Variants in BAZ2B observed in about 807,000 individuals in gnomAD.
BAZ2B encodes bromodomain adjacent to zinc finger domain protein 2B.
A neutral mutation model predicts 246.0 loss-of-function variants in BAZ2B; 91 were observed. The observed-to-expected ratio is 0.37, with a 90% CI of 0.31 to 0.44. BAZ2B has a LOEUF of 0.44. Ranked by LOEUF, BAZ2B falls within the 20% of genes least tolerant of loss-of-function variation. The pLI is 1.00. For missense variants in BAZ2B, 2,332 were observed against 2,533.7 expected (o/e 0.92, Z 1.71); for synonymous variants, 855 against 860.0 (o/e 0.99, Z 0.10).
intron 1 of BAZ2B, among the ~76,000 whole-genome samples, chr2:159,563,257 A>G (rs1466592001): frequency 6.6e-6 from 1 of 152,180 alleles, no homozygotes; most frequent in Non-Finnish European, 1.5e-5. Flanking sequence ...ATTTGGTCTA[A>G]TGTTTTCAAC....
At chr2:159,708,929 C>A in the BAZ2B span, among the ~76,000 whole-genome samples, 1 of 151,938 alleles carries the variant, frequency 6.6e-6, no homozygotes, top group African/African-American at 2.4e-5. Flanking sequence ...AGAAGTCAAC[C>A]AACAGAATTT....
intron 3 of BAZ2B, among the ~76,000 whole-genome samples, chr2:159,475,239 G>A (rs1577501524): frequency 6.6e-6 from 1 of 152,184 alleles, no homozygotes; most frequent in East Asian, 1.9e-4. Context: ...TTTCTTGGAG[G>A]CTTTGTTCTG....
intron 8 of BAZ2B, chr2:159,434,317 T>C (rs532330007): frequency 7.9e-5 from 12 of 151,966 alleles, no homozygotes; most frequent in African/African-American, 1.5e-4. Context: ...TGCACCACCA[T>C]GCCTAGGTAA....
chr2:159,328,560 C>T (rs1271539264), intron 34 of BAZ2B, among the ~76,000 whole-genome samples: 4 of 152,116 alleles, frequency 2.6e-5, no homozygotes, highest in African/African-American at 9.7e-5. Flanking sequence ...ACATGGGGCC[C>T]ACATTCCTAC....
chr2:159,618,303 C>T (rs1478711152), upstream of BAZ2B, among the ~76,000 whole-genome samples: 1 of 152,114 alleles, frequency 6.6e-6, no homozygotes. Context: ...ATAATTTAAT[C>T]CTGAGTTTTC....
At chr2:159,423,507 C>G (rs1044558523) in intron 13 of BAZ2B, among the ~76,000 whole-genome samples, 1 of 152,158 alleles carries the variant, frequency 6.6e-6, no homozygotes, top group Non-Finnish European at 1.5e-5. Flanking sequence ...ACCCAGCAAT[C>G]CCACTACTGG....
In BAZ2B at chr2:159,531,909, T is replaced by G. The variant is rs189277604; in HGVS notation, c.-3+23914A>C. Reference sequence around the variant, plus strand: ...CAAAAGAATTTTAAAGTGTATATATTCAATTATCTATACACTTACATATAC... The same window carrying G: ...CAAAAGAATTTTAAAGTGTATATATGCAATTATCTATACACTTACATATAC... On this transcript the variant is annotated intron_variant, in intron 2 of 36. Coordinates refer to ENST00000392783, the MANE Select transcript of BAZ2B (RefSeq NM_013450.4). 3.9e-5 allele frequency among the ~76,000 whole-genome samples: 6 copies of G among 152,330 alleles called. 1 individual carries two copies. Among genetic ancestry groups the G allele is most frequent in the Admixed American group, 3.9e-4 (6 of 15,300 alleles).
In BAZ2B at chr2:159,395,839, T is replaced by C. The variant is rs1002557506; in HGVS notation, c.3010-5A>G. 3 of 1,601,930 alleles carry C rather than the reference T, an allele frequency of 1.9e-6. No homozygotes were observed. The highest frequency in any genetic ancestry group is 2.6e-6 in the Non-Finnish European group (3 of 1,175,032). ...TTGTCGCCTTCGCTCTCGTTCCTATTAGGCCAGATAAAATGTGGAAAATAA... is the reference window on the plus strand; with the variant it reads ...TTGTCGCCTTCGCTCTCGTTCCTATCAGGCCAGATAAAATGTGGAAAATAA... On this transcript the variant is annotated splice_polypyrimidine_tract_variant and splice_region_variant and intron_variant, in intron 19 of 36. Coordinates refer to ENST00000392783, the MANE Select transcript of BAZ2B (RefSeq NM_013450.4).
At chr2:159,660,858 A>G in the BAZ2B span, among the ~76,000 whole-genome samples, 1 of 152,162 alleles carries the variant, frequency 6.6e-6, no homozygotes, top group African/African-American at 2.4e-5. Flanking sequence ...TCGGCCTCCC[A>G]AAGTGCTAGG....
At chr2:159,459,747 G>A (rs966820985) in intron 3 of BAZ2B, 1 of 151,992 alleles carries the variant, frequency 6.6e-6, no homozygotes, top group Admixed American at 6.6e-5. Context: ...AACCTTATAA[G>A]TACAAAACAA....
intron 31 of BAZ2B, 80 bp downstream of exon 31, chr2:159,347,402 TTAAC>T: frequency 1.4e-6 from 2 of 1,389,202 alleles, no homozygotes; most frequent in Non-Finnish European, 2.0e-6. Flanking sequence ...ATTTAGCACA[TTAAC>T]TAGCATATAT....
chr2:159,359,693 G>C (rs188901798), intron 27 of BAZ2B, among the ~76,000 whole-genome samples: 1 of 152,290 alleles, frequency 6.6e-6, no homozygotes, highest in Admixed American at 6.5e-5. Flanking sequence ...GAACATCGAT[G>C]CGAAAATTCT....
intron 1 of BAZ2B, among the ~76,000 whole-genome samples, chr2:159,568,776 TTC>T (rs1281772304): frequency 1.3e-5 from 2 of 152,154 alleles, no homozygotes; most frequent in Admixed American, 1.3e-4. Context: ...AAAATAACAC[TTC>T]TGAGTTTCCT....
intron 1 of BAZ2B, among the ~76,000 whole-genome samples, chr2:159,580,964 C>G (rs534736234): frequency 8.9e-4 from 136 of 152,080 alleles, no homozygotes; most frequent in Non-Finnish European, 1.4e-3. Flanking sequence ...CATAAAAATC[C>G]TAGAAGAAAA....
intron 2 of BAZ2B, among the ~76,000 whole-genome samples, chr2:159,505,787 G>C (rs1435920129): frequency 6.6e-6 from 1 of 152,124 alleles, no homozygotes; most frequent in Admixed American, 6.6e-5. Context: ...GAAAATAAAA[G>C]GAGAACAATT....
upstream of BAZ2B, among the ~76,000 whole-genome samples, chr2:159,617,580 GAGTA>G (rs778772445): frequency 2.0e-5 from 3 of 151,952 alleles, no homozygotes; most frequent in African/African-American, 4.8e-5. Flanking sequence ...TCAGGATGAA[GAGTA>G]AGTAAAAATT....
chr2:159,694,420 C>T, the BAZ2B span: 1 of 152,030 alleles, frequency 6.6e-6, no homozygotes, highest in African/African-American at 2.4e-5. Context: ...AAAACAAACA[C>T]CACTATCTAG....
Position 159,416,926 on chromosome 2 carries a change from G to C in BAZ2B, c.2467-4381C>G, listed in dbSNP as rs140583769. ...AAATAATTGTGGGTGAGAACAAGTA[G>C]TATTTTTCTCAATAAATTTTTCCTC... On this transcript the variant is annotated intron_variant, in intron 13 of 36. Transcript: ENST00000392783. 6.5e-3 allele frequency among the ~76,000 whole-genome samples: 985 copies of C among 152,188 alleles called. 6 individuals carry two copies. Among genetic ancestry groups the C allele is most frequent in the African/African-American group, 0.022 (921 of 41,536 alleles).
chr2:159,610,454 A>G (rs1694469410), intron 1 of BAZ2B, among the ~76,000 whole-genome samples: 1 of 152,228 alleles, frequency 6.6e-6, no homozygotes, highest in Non-Finnish European at 1.5e-5. Flanking sequence ...GCAGGAGTGC[A>G]CCGTCTTTGA....
Sources: allele counts gnomAD v4.1 joint callset (sites outside exome capture counted in the v4.1 genomes callset), GRCh38; gene constraint gnomAD v4.1.1; transcripts MANE v1.5; gene names NCBI Gene and HGNC (gene_info 2026-07-23, HGNC 2026-07-21).